GLP1R: variants seen among roughly 807,000 people sequenced by gnomAD.
GLP1R encodes the protein glucagon-like peptide 1 receptor.
In GLP1R, 32 loss-of-function variants were observed where a neutral mutation model predicts 68.4. The observed-to-expected ratio is 0.47, with a 90% CI of 0.35 to 0.63. The LOEUF (loss-of-function observed/expected upper bound fraction) is 0.63, where lower values mean the gene tolerates loss of function less well. GLP1R is among the 20% of genes least tolerant of loss of function. The pLI, the probability that GLP1R is intolerant of heterozygous loss-of-function variation, is 0.00. For synonymous variants in GLP1R, 263 were observed against 244.4 expected, an observed-to-expected ratio of 1.08 and a Z score of -0.71; for missense variants, 502 against 594.9, an observed-to-expected ratio of 0.84 and a Z score of 1.62.
Position 39,090,218 on chromosome 6 carries a change from G to T in GLP1R, c.*4145G>T, listed in dbSNP as rs1309698863. Among the ~76,000 whole-genome samples the T allele has an allele frequency of 6.6e-6, 1 of 152,224 alleles. No individual in the cohort carries two copies. The highest frequency in any genetic ancestry group is 1.9e-4 in the East Asian group (1 of 5,206). On this transcript the variant is annotated 3_prime_UTR_variant, in exon 13 of 13. Transcript: ENST00000373256. The stretch of plus-strand genomic sequence containing the variant: ...TTCAAACACTTTACTTAGTGCCACA[G>T]TGTGTCTGCAGTATCTATAAGTACT...
At position 39,073,592 on chromosome 6, in the gene GLP1R, C is replaced by T; in HGVS notation, c.664-18C>T. On this transcript the variant is annotated intron_variant, in intron 6 of 12. Coordinates refer to ENST00000373256, the MANE Select transcript of GLP1R (RefSeq NM_002062.5). Reference sequence around the variant, plus strand: ...GGGCAGAGCTGTTGTCCCCATGACACCCTTCCTCTACCCCCAGGACTCTCT... The same window carrying T: ...GGGCAGAGCTGTTGTCCCCATGACATCCTTCCTCTACCCCCAGGACTCTCT... 6.2e-7 allele frequency: 1 copy of T among 1,611,936 alleles called. No homozygotes were observed. Among genetic ancestry groups the T allele is most frequent in the Non-Finnish European group, 8.5e-7 (1 of 1,178,824 alleles).
chr6:39,067,452 C>T (rs1423251236), intron 5 of GLP1R, among the ~76,000 whole-genome samples: 1 of 152,220 alleles, frequency 6.6e-6, no homozygotes, highest in African/African-American at 2.4e-5. Context: ...GGCACCTTCT[C>T]ACTGTGTCCT....
At chr6:39,080,840 C>G (rs1440819326) in intron 12 of GLP1R, 101 bp downstream of exon 12, 5 of 696,756 alleles carry the variant, frequency 7.2e-6, no homozygotes, top group Non-Finnish European at 1.2e-5. Context: ...CCAGCTGAAA[C>G]CCCCTACTCA....
intron 12 of GLP1R, 77 bp from the exon 13 acceptor site, chr6:39,085,829 C>A: frequency 7.4e-7 from 1 of 1,358,568 alleles, no homozygotes; most frequent in Non-Finnish European, 1.0e-6. Context: ...CCCTTCCCCA[C>A]TAATGTAATA....
At chr6:39,083,195 A>G (rs1470652376) in intron 12 of GLP1R, among the ~76,000 whole-genome samples, 1 of 152,222 alleles carries the variant, frequency 6.6e-6, no homozygotes, top group African/African-American at 2.4e-5. Flanking sequence ...CACGGGGTCC[A>G]GGAGACCCTG....
At chr6:39,063,720 A>C (rs1031173173) in intron 3 of GLP1R, among the ~76,000 whole-genome samples, 2 of 152,088 alleles carry the variant, frequency 1.3e-5, no homozygotes, top group Non-Finnish European at 2.9e-5. Flanking sequence ...GGGGAGGGCA[A>C]GGTCCATTGG....
Position 39,086,170 on chromosome 6 carries a change from C to CACACACACAA in GLP1R, c.*106_*107insAACACACACA, listed in dbSNP as rs1461325337. The stretch of plus-strand genomic sequence containing the variant: ...CCAGGGACAAGGGAAGGAAGGGACA[C>CACACACACAA]ACACACACACACACACACACACACA... On this transcript the variant is annotated 3_prime_UTR_variant, in exon 13 of 13. Coordinates refer to ENST00000373256, the MANE Select transcript of GLP1R (RefSeq NM_002062.5). The surrounding 1 kb of genome is among the most constrained non-coding windows in gnomAD (Gnocchi z 4.5). 1 of 197,304 alleles carries CACACACACAA rather than the reference C, an allele frequency of 5.1e-6. No individual in the cohort carries two copies. Among genetic ancestry groups the CACACACACAA allele is most frequent in the Non-Finnish European group, 9.4e-6 (1 of 106,468 alleles). 12.2% of individuals were successfully genotyped at this position (197,304 alleles called of 1,614,324 possible).
At position 39,049,023 on chromosome 6, in the gene GLP1R, A is replaced by G; in HGVS notation, c.78+105A>G. ...CCCGGGACTTGAACGAAACTCCGAGACCGCTGGCGGGGGCATCCGAAAGCC... is the reference window on the plus strand; with the variant it reads ...CCCGGGACTTGAACGAAACTCCGAGGCCGCTGGCGGGGGCATCCGAAAGCC... On this transcript the variant is annotated intron_variant, in intron 1 of 12. Transcript: ENST00000373256. The surrounding 1 kb of genome is among the most constrained non-coding windows in gnomAD (Gnocchi z 4.5). The G allele has an allele frequency of 2.0e-6, 1 of 510,504 alleles. No homozygotes were observed. The highest frequency in any genetic ancestry group is 3.2e-5 in the South Asian group (1 of 31,468). 31.6% of individuals were successfully genotyped at this position (510,504 alleles called of 1,614,324 possible). A position where few individuals can be genotyped will look rare whatever the true frequency, so the allele number is the denominator to read the frequency against.
In GLP1R at chr6:39,079,661, T is replaced by G; in HGVS notation, c.1141T>G (p.Phe381Val). 6.2e-7 allele frequency: 1 copy of G among 1,612,260 alleles called. No homozygotes were observed. Among genetic ancestry groups the G allele is most frequent in the Non-Finnish European group, 8.5e-7 (1 of 1,179,272 alleles). Residue 381 changes from phenylalanine (F) to valine (V), a missense_variant, in exon 11 of 13, where the codon TTC (phenylalanine) becomes GTC (valine). By Grantham distance (50) the Phe-to-Val change is conservative (BLOSUM62 -1). Transcript: ENST00000373256. The surrounding 1 kb of genome is among the most constrained non-coding windows in gnomAD (Gnocchi z 4.5). ...MDEHARGTLR[F>V]IKLFTELSFT... ...CGAGCACGCCCGGGGGACCCTGCGCTTCATCAAGCTGTTTACAGAGCTCTC... is the reference window on the plus strand; with the variant it reads ...CGAGCACGCCCGGGGGACCCTGCGCGTCATCAAGCTGTTTACAGAGCTCTC...
chr6:39,056,357 G>C (rs748823713), intron 1 of GLP1R, 40 bp from the exon 2 acceptor site: 18 of 1,055,804 alleles, frequency 1.7e-5, no homozygotes, highest in Middle Eastern at 2.5e-4. Context: ...GAGAGGGGCT[G>C]GCTGAACCCA....
intron 5 of GLP1R, among the ~76,000 whole-genome samples, chr6:39,071,293 C>T (rs1768656294): frequency 7.1e-6 from 1 of 141,680 alleles, no homozygotes; most frequent in South Asian, 2.2e-4. Flanking sequence ...CTGCAGTGAG[C>T]CGAGATCACG....
intron 2 of GLP1R, 143 bp from the exon 3 acceptor site, chr6:39,057,329 G>C: frequency 1.6e-6 from 1 of 629,436 alleles, no homozygotes; most frequent in South Asian, 1.9e-5. Context: ...TGCTGGGTGG[G>C]GAAAGTGCTT....
intron 5 of GLP1R, among the ~76,000 whole-genome samples, chr6:39,070,712 T>C (rs1332108726): frequency 6.6e-6 from 1 of 152,080 alleles, no homozygotes; most frequent in Admixed American, 6.5e-5. Context: ...AGATCAAGCA[T>C]TTTTTTTCAT....
chr6:39,090,092 T>C lies in GLP1R; in HGVS notation c.*4019T>C, dbSNP rs375036237. 6.6e-6 allele frequency among the ~76,000 whole-genome samples: 1 copy of C among 152,232 alleles called. No individual in the cohort carries two copies. Among genetic ancestry groups the C allele is most frequent in the East Asian group, 1.9e-4 (1 of 5,194 alleles). On this transcript the variant is annotated 3_prime_UTR_variant, in exon 13 of 13. Coordinates refer to ENST00000373256, the MANE Select transcript of GLP1R (RefSeq NM_002062.5). ...GAAAATCGCCCAAGTGAGAAACTTA[T>C]GCCAACCACATTCCCATGCCCCTAC...
chr6:39,070,780 T>C (rs941453963), intron 5 of GLP1R, among the ~76,000 whole-genome samples: 3 of 152,222 alleles, frequency 2.0e-5, no homozygotes, highest in African/African-American at 7.2e-5. Flanking sequence ...TTGGCTTATT[T>C]GGGTTTTTCT....
Position 39,090,850 on chromosome 6 carries a change from C to A in GLP1R, c.*4777C>A, listed in dbSNP as rs1168167497. Among the ~76,000 whole-genome samples, 1 of 152,108 alleles carries A rather than the reference C, an allele frequency of 6.6e-6. No homozygotes were observed. The highest frequency in any genetic ancestry group is 1.5e-5 in the Non-Finnish European group (1 of 68,000). On this transcript the variant is annotated 3_prime_UTR_variant, in exon 13 of 13. Coordinates refer to ENST00000373256, the MANE Select transcript of GLP1R (RefSeq NM_002062.5). ...AAAGTTGAGTTCTTTGCAGGGGAGCCAACGGGGGCATTGAGGGAAGGGCAA... is the reference window on the plus strand; with the variant it reads ...AAAGTTGAGTTCTTTGCAGGGGAGCAAACGGGGGCATTGAGGGAAGGGCAA...
chr6:39,085,821 C>A, intron 12 of GLP1R, 85 bp from the exon 13 acceptor site: 3 of 1,261,506 alleles, frequency 2.4e-6, no homozygotes, highest in Non-Finnish European at 2.3e-6. Flanking sequence ...GATTTCTTCC[C>A]TTCCCCACTA....
intron 5 of GLP1R, among the ~76,000 whole-genome samples, chr6:39,069,637 C>CAAAA (rs1160778497): frequency 2.0e-5 from 2 of 98,858 alleles, no homozygotes; most frequent in Admixed American, 2.0e-4. Context: ...GACTCTGTCT[C>CAAAA]AAAAAAAAAA....
intron 12 of GLP1R, among the ~76,000 whole-genome samples, chr6:39,083,113 G>C (rs539496224): frequency 2.4e-4 from 37 of 152,244 alleles, no homozygotes; most frequent in African/African-American, 8.9e-4. Context: ...AATCACCAGG[G>C]TTGCACCTCT....
Sources: gnomAD v4.1 joint callset for allele counts (sites outside exome capture counted in the v4.1 genomes callset) on GRCh38, gnomAD v4.1.1 for gene constraint, Gnocchi (gnomAD v3.1) non-coding constraint, MANE v1.5 for transcripts, NCBI Gene and HGNC (gene_info 2026-07-23, HGNC 2026-07-21) for gene names.